The following ARL13B variants were observed in gnomAD, a reference collection of about 807,000 sequenced individuals.
ARL13B encodes the protein ADP-ribosylation factor-like protein 13B.
ARL13B carries 36 observed loss-of-function variants against 56.1 expected under a neutral mutation model. The ratio of observed to expected loss-of-function variants is 0.64; its 90% CI spans 0.49 to 0.85. ARL13B has a LOEUF of 0.85. Ranked by LOEUF, ARL13B falls within the 40% of genes least tolerant of loss-of-function variation. ARL13B has a pLI of 0.00. For missense variants in ARL13B, 519 were observed against 507.1 expected (o/e 1.02, Z -0.23); for synonymous variants, 178 against 171.1 (o/e 1.04, Z -0.32).
At chr3:93,994,172 C>T (rs981317341) in intron 1 of ARL13B, among the ~76,000 whole-genome samples, 1 of 152,168 alleles carries the variant, frequency 6.6e-6, no homozygotes, top group Non-Finnish European at 1.5e-5. Flanking sequence ...CTCTGACTTC[C>T]TGTCTTCCTA....
intron 3 of ARL13B, among the ~76,000 whole-genome samples, chr3:94,004,149 T>C (rs919705074): frequency 1.3e-5 from 2 of 152,182 alleles, no homozygotes; most frequent in Admixed American, 6.5e-5. Flanking sequence ...TATAAACTCA[T>C]TGTTTTATGT....
chr3:94,050,931 A>T lies in ARL13B; in HGVS notation c.1210+39A>T, dbSNP rs779478390. The T allele has an allele frequency of 2.3e-5, 36 of 1,573,996 alleles. No homozygotes were observed. In the African/African-American group the frequency reaches 4.7e-4, roughly 21 times the overall value. ...ATTGGTTTTCAGATATCATCTGTAC[A>T]TGTCACATTCACTTTTCTTTAGCCT... On this transcript the variant is annotated intron_variant, in intron 9 of 9. Coordinates refer to ENST00000394222, the MANE Select transcript of ARL13B (RefSeq NM_001174150.2).
chr3:94,013,384 C>T (rs1436948296), intron 3 of ARL13B, among the ~76,000 whole-genome samples: 2 of 152,178 alleles, frequency 1.3e-5, no homozygotes, highest in South Asian at 2.1e-4. Flanking sequence ...TGAATTTAGA[C>T]TGTATCTCTA....
At chr3:94,010,645 TATC>T (rs1278377628) in intron 3 of ARL13B, among the ~76,000 whole-genome samples, 7 of 152,056 alleles carry the variant, frequency 4.6e-5, no homozygotes, top group Admixed American at 2.0e-4. Context: ...CTAATTAAGT[TATC>T]ATGTTATCTG....
At chr3:93,985,545 C>G (rs1229994990) in intron 1 of ARL13B, among the ~76,000 whole-genome samples, 6 of 152,066 alleles carry the variant, frequency 3.9e-5, no homozygotes, top group Non-Finnish European at 1.5e-5. Context: ...TGAAAATATA[C>G]ATGTTATATA....
chr3:94,042,901 C>T, intron 6 of ARL13B, 114 bp from the exon 7 acceptor site: 1 of 788,354 alleles, frequency 1.3e-6, no homozygotes, highest in Non-Finnish European at 2.0e-6. Flanking sequence ...AAATAGAAGT[C>T]TCACAGTGTC....
At chr3:94,033,709 A>G (rs540017995) in intron 3 of ARL13B, among the ~76,000 whole-genome samples, 4 of 152,338 alleles carry the variant, frequency 2.6e-5, no homozygotes, top group South Asian at 4.1e-4. Context: ...ATGTAAATCC[A>G]TTAGTTAATT....
intron 8 of ARL13B, among the ~76,000 whole-genome samples, chr3:94,050,359 C>T (rs1466290193): frequency 6.6e-6 from 1 of 152,000 alleles, no homozygotes; most frequent in African/African-American, 2.4e-5. Context: ...CTTTTCAGCA[C>T]TAAGCTTAGC....
chr3:94,020,700 A>G (rs2076429237), intron 3 of ARL13B, among the ~76,000 whole-genome samples: 1 of 152,200 alleles, frequency 6.6e-6, no homozygotes, highest in Admixed American at 6.5e-5. Flanking sequence ...CCACATGACT[A>G]TATTGCTGAG....
rs778884829 is a variant in ARL13B at position 94,035,448 on chromosome 3, T to G, written c.486+12T>G. ...GCCTGTGTCAGATAGTAAGGTTTTT[T>G]TTTTTTTTTTAATTTTAATTTTTTG... On this transcript the variant is annotated intron_variant, in intron 4 of 9. Transcript: ENST00000394222. 3.9e-6 allele frequency: 6 copies of G among 1,546,574 alleles called. No homozygotes were observed. Among genetic ancestry groups the G allele is most frequent in the South Asian group, 1.2e-5 (1 of 82,144 alleles).
intron 7 of ARL13B, among the ~76,000 whole-genome samples, chr3:94,044,588 T>G (rs1486099347): frequency 3.4e-5 from 4 of 116,770 alleles, no homozygotes; most frequent in African/African-American, 1.0e-4. Flanking sequence ...ATCTGGGAGG[T>G]GAGGAGCGTC....
chr3:94,007,536 G>A (rs1451125885), intron 3 of ARL13B, among the ~76,000 whole-genome samples: 1 of 152,244 alleles, frequency 6.6e-6, no homozygotes, highest in East Asian at 1.9e-4. Flanking sequence ...GGAGGCAAAA[G>A]GCACTTCTTA....
chr3:94,046,883 A>G (rs988028683), intron 7 of ARL13B, among the ~76,000 whole-genome samples: 2 of 152,144 alleles, frequency 1.3e-5, no homozygotes, highest in Non-Finnish European at 2.9e-5. Flanking sequence ...CTAACTGGCT[A>G]TGTTATATAA....
At position 94,013,616 on chromosome 3, in the gene ARL13B, G is replaced by A. The variant is rs549250398; in HGVS notation, c.380+9708G>A. On this transcript the variant is annotated intron_variant, in intron 3 of 9. Coordinates refer to ENST00000394222, the MANE Select transcript of ARL13B (RefSeq NM_001174150.2). ...TACATAGTTGAGTTTTCCCTGATCT[G>A]TTGACATTGAGTTAAGTTACCTTCT... Among the ~76,000 whole-genome samples, 3 of 152,274 alleles carry A rather than the reference G, an allele frequency of 2.0e-5. No individual in the cohort carries two copies. The East Asian group carries it at 5.8e-4, about 29-fold the overall frequency.
At chr3:93,994,187 G>T (rs1396994868) in intron 1 of ARL13B, among the ~76,000 whole-genome samples, 2 of 152,128 alleles carry the variant, frequency 1.3e-5, no homozygotes, top group African/African-American at 4.8e-5. Flanking sequence ...TTCCTATTCT[G>T]CTCCTTTCTC....
Position 94,004,631 on chromosome 3 carries a change from TA to T in ARL13B, c.380+737del, listed in dbSNP as rs200143702. ...GTTCTTGTGGTTCATTATTAAGGATTAAAAAAAAAAAAAATCAACCTGTCAT... is the reference window on the plus strand; with the variant it reads ...GTTCTTGTGGTTCATTATTAAGGATTAAAAAAAAAAAAATCAACCTGTCAT... On this transcript the variant is annotated intron_variant, in intron 3 of 9. Coordinates refer to ENST00000394222, the MANE Select transcript of ARL13B (RefSeq NM_001174150.2). Among the ~76,000 whole-genome samples, 743 of 141,424 alleles carry T rather than the reference TA, an allele frequency of 5.3e-3. 1 individual carries two copies. The highest frequency in any genetic ancestry group is 0.011 in the Middle Eastern group (3 of 276). The allele number at this position is 141,424 out of a possible 152,430, so 92.8% of individuals were successfully genotyped here. A position where few individuals can be genotyped will look rare whatever the true frequency, so the allele number is the denominator to read the frequency against.
intron 3 of ARL13B, among the ~76,000 whole-genome samples, chr3:94,013,288 G>T (rs1468485262): frequency 6.6e-6 from 1 of 152,088 alleles, no homozygotes; most frequent in East Asian, 1.9e-4. Context: ...TTAAGTCTCT[G>T]CCCAGAACTT....
rs1284451115 is a variant in ARL13B at position 94,053,748 on chromosome 3, G to T, written c.*485G>T. The T allele has an allele frequency of 9.8e-6, 3 of 306,800 alleles. No individual in the cohort carries two copies. The highest frequency in any genetic ancestry group is 1.9e-5 in the Non-Finnish European group (3 of 159,258). 19.0% of individuals were successfully genotyped at this position (306,800 alleles called of 1,614,324 possible). On this transcript the variant is annotated 3_prime_UTR_variant, in exon 10 of 10. Coordinates refer to ENST00000394222, the MANE Select transcript of ARL13B (RefSeq NM_001174150.2). ...AATCTTTAAAAATTTTAATTACTGT[G>T]ATATTGATTATACACCTTTTTTATA...
At chr3:93,998,029 C>G (rs138106832) in intron 2 of ARL13B, among the ~76,000 whole-genome samples, 1 of 152,238 alleles carries the variant, frequency 6.6e-6, no homozygotes, top group African/African-American at 2.4e-5. Flanking sequence ...TGGCCAAGCT[C>G]CACTGAAAAT....
Sources: allele counts gnomAD v4.1 joint callset (sites outside exome capture counted in the v4.1 genomes callset), GRCh38; gene constraint gnomAD v4.1.1; transcripts MANE v1.5; gene names NCBI Gene and HGNC (gene_info 2026-07-23, HGNC 2026-07-21).